CDK13: variants seen among roughly 807,000 people sequenced by gnomAD.
CDK13 encodes cyclin-dependent kinase 13.
A neutral mutation model predicts 137.6 loss-of-function variants in CDK13; 40 were observed. That is an observed-to-expected ratio of 0.29 (90% CI 0.23 to 0.38). The LOEUF (loss-of-function observed/expected upper bound fraction) is 0.38, where lower values mean the gene tolerates loss of function less well. CDK13 is among the 10% of genes least tolerant of loss of function. The probability of loss-of-function intolerance (pLI) is 1.00; values close to 1 mark genes in which losing one functional copy is unlikely to be tolerated. For missense variants in CDK13, 1,704 were observed against 1,951.8 expected, an observed-to-expected ratio of 0.87 and a Z score of 2.39; for synonymous variants, 869 against 760.1, an observed-to-expected ratio of 1.14 and a Z score of -2.36.
rs1257700 is a variant in CDK13 at position 39,989,875 on chromosome 7, T to A, written c.1871+1617T>A. Among the ~76,000 whole-genome samples, 582 of 151,526 alleles carry A rather than the reference T, an allele frequency of 3.8e-3. 9 individuals carry two copies. The highest frequency in any genetic ancestry group is 0.013 in the African/African-American group (556 of 41,298). ...TCGGCTCACTGCAAGCTCTGCCTCCTGGGTTCATGCCGTTCTTCTGCCTCA... is the reference window on the plus strand; with the variant it reads ...TCGGCTCACTGCAAGCTCTGCCTCCAGGGTTCATGCCGTTCTTCTGCCTCA... On this transcript the variant is annotated intron_variant, in intron 2 of 13. Coordinates refer to ENST00000181839, the MANE Select transcript of CDK13 (RefSeq NM_003718.5).
At chr7:40,087,408 A>C (rs754212494) in intron 11 of CDK13, among the ~76,000 whole-genome samples, 2 of 151,756 alleles carry the variant, frequency 1.3e-5, no homozygotes, top group Non-Finnish European at 2.9e-5. Flanking sequence ...CTCCCTAAGC[A>C]CTGGGATTAT....
intron 5 of CDK13, among the ~76,000 whole-genome samples, chr7:40,034,095 G>A (rs1785434689): frequency 6.6e-6 from 1 of 152,144 alleles, no homozygotes; most frequent in South Asian, 2.1e-4. Flanking sequence ...TGATAATCTG[G>A]CAGGGCTTCT....
At chr7:39,997,236 A>T (rs1784584016) in intron 2 of CDK13, among the ~76,000 whole-genome samples, 1 of 152,148 alleles carries the variant, frequency 6.6e-6, no homozygotes, top group African/African-American at 2.4e-5. Context: ...ATATTGATAC[A>T]AAGTTATCAT....
chr7:40,045,577 A>G (rs1428985386), intron 5 of CDK13, among the ~76,000 whole-genome samples: 1 of 151,556 alleles, frequency 6.6e-6, no homozygotes, highest in African/African-American at 2.4e-5. Flanking sequence ...TATGGAGAAC[A>G]GCAGGGTGAT....
At chr7:40,048,034 T>G in intron 7 of CDK13, 157 bp downstream of exon 7, 1 of 463,920 alleles carries the variant, frequency 2.2e-6, no homozygotes, top group Non-Finnish European at 3.9e-6. Flanking sequence ...TTGGGTTGAT[T>G]ATTGTAATTA....
At chr7:39,999,329 G>GTA (rs1386768964) in intron 3 of CDK13, 32 bp from the exon 4 acceptor site, 1 of 1,560,502 alleles carries the variant, frequency 6.4e-7, no homozygotes, top group Non-Finnish European at 8.7e-7. Flanking sequence ...TTGCTTGATT[G>GTA]TATATAAAAA....
chr7:40,017,346 A>G (rs186384724), intron 5 of CDK13, among the ~76,000 whole-genome samples: 2 of 152,098 alleles, frequency 1.3e-5, no homozygotes, highest in East Asian at 1.9e-4. Context: ...AGATGATACA[A>G]TTCTTTTGTA....
At chr7:40,026,074 C>G (rs139758501) in intron 5 of CDK13, among the ~76,000 whole-genome samples, 13 of 152,328 alleles carry the variant, frequency 8.5e-5, no homozygotes, top group African/African-American at 2.4e-4. Context: ...TTAGCAGTCT[C>G]AAAAGCACTA....
At chr7:39,999,605 AT>A in intron 4 of CDK13, 105 bp downstream of exon 4, 1 of 1,107,154 alleles carries the variant, frequency 9.0e-7, no homozygotes, top group Non-Finnish European at 1.3e-6. Context: ...ATTAAATTCA[AT>A]TTTATTGTGC....
At chr7:40,078,906 T>G in intron 11 of CDK13, 55 bp downstream of exon 11, 1 of 660,996 alleles carries the variant, frequency 1.5e-6, no homozygotes, top group Non-Finnish European at 2.0e-6. Flanking sequence ...TTTATTATAT[T>G]AAAACAGTTT....
At chr7:40,066,207 A>G (rs1286274954) in intron 9 of CDK13, among the ~76,000 whole-genome samples, 2 of 152,224 alleles carry the variant, frequency 1.3e-5, no homozygotes, top group South Asian at 4.1e-4. Flanking sequence ...CATGTCTCCA[A>G]AATAAAAAAC....
chr7:40,002,513 CT>C (rs1246082252), intron 5 of CDK13, among the ~76,000 whole-genome samples: 1 of 152,124 alleles, frequency 6.6e-6, no homozygotes, highest in East Asian at 1.9e-4. Flanking sequence ...AGCAGAGAAG[CT>C]GACAAAAAAT....
At chr7:40,051,924 A>G (rs1250424128) in intron 7 of CDK13, among the ~76,000 whole-genome samples, 1 of 152,098 alleles carries the variant, frequency 6.6e-6, no homozygotes, top group Non-Finnish European at 1.5e-5. Context: ...AAACTTGAGA[A>G]TAGAGATTTT....
Position 40,094,274 on chromosome 7 carries a change from G to A in CDK13, c.3833G>A (p.Arg1278Gln), listed in dbSNP as rs761438948. The A allele has an allele frequency of 1.3e-5, 21 of 1,612,276 alleles. No homozygotes were observed. Among genetic ancestry groups the A allele is most frequent in the East Asian group, 2.2e-5 (1 of 44,844 alleles). ...GTCACTGAGGAAGATCTAGATTATC[G>A]GACAGAAAACCAGCATGTACCCACC... ...PPVTEEDLDYRTENQHVPTTS... is the reference protein window; with the variant it reads ...PPVTEEDLDYQTENQHVPTTS... The change falls in exon 14 of 14, where the codon CGG becomes CAG. Residue 1278 changes from arginine (R) to glutamine (Q), a missense_variant. Arg to Gln is a conservative substitution (Grantham distance 43, BLOSUM62 1). This residue lies in a region of CDK13 where 475 missense variants were observed against 579.3 expected (regional missense o/e 0.82). Transcript: ENST00000181839.
In CDK13 at chr7:39,951,052, C is replaced by T. The variant is rs1787157125; in HGVS notation, c.411C>T (p.Gly137=). The change falls in exon 1 of 14, where the codon GGC becomes GGT. Residue 137 remains glycine (G), a synonymous_variant. Transcript: ENST00000181839. ...ACGGCGGTGGCGGTGCTAGTAGCGG[C>T]GGGGGTGTGACCCCGCTGGTGGAAT... ...QQDGGGGASS[G]GGVTPLVEYE... 9.4e-6 allele frequency: 12 copies of T among 1,282,862 alleles called. No individual in the cohort carries two copies. The East Asian group carries it at 2.2e-4, about 24-fold the overall frequency. The allele number at this position is 1,282,862 out of a possible 1,614,324, so 79.5% of individuals were successfully genotyped here.
chr7:39,961,593 T>C (rs1783728804), intron 1 of CDK13, among the ~76,000 whole-genome samples: 1 of 152,126 alleles, frequency 6.6e-6, no homozygotes, highest in African/African-American at 2.4e-5. Flanking sequence ...AGTGAGATCA[T>C]GCAGTATTTA....
intron 1 of CDK13, among the ~76,000 whole-genome samples, chr7:39,969,602 G>A (rs918207336): frequency 3.9e-5 from 6 of 152,120 alleles, no homozygotes; most frequent in African/African-American, 1.4e-4. Context: ...TTTTCAAAAT[G>A]TCTTTGCCAT....
chr7:39,951,974 C>T (rs985854048), intron 1 of CDK13, 122 bp downstream of exon 1: 4 of 1,068,604 alleles, frequency 3.7e-6, no homozygotes, highest in Non-Finnish European at 3.6e-6. Context: ...GAGACAACAC[C>T]GCCTGAGCCT....
intron 5 of CDK13, among the ~76,000 whole-genome samples, chr7:40,045,613 G>GT (rs1015561428): frequency 2.0e-5 from 3 of 148,692 alleles, no homozygotes; most frequent in African/African-American, 5.0e-5. Flanking sequence ...AATCATAACT[G>GT]TTTTTTTGCG....
Sources: gnomAD v4.1 joint callset for allele counts (sites outside exome capture counted in the v4.1 genomes callset) on GRCh38, gnomAD v4.1.1 for gene constraint, gnomAD v4.1.1 regional missense constraint, MANE v1.5 for transcripts, NCBI Gene and HGNC (gene_info 2026-07-23, HGNC 2026-07-21) for gene names.